Variants in NR3C2 observed in about 807,000 individuals in gnomAD.
The protein encoded by NR3C2 is nuclear receptor subfamily 3 group C member 2, also known as mineralocorticoid receptor.
A neutral mutation model predicts 86.4 loss-of-function variants in NR3C2; 15 were observed. The ratio of observed to expected loss-of-function variants is 0.17; its 90% CI spans 0.12 to 0.27. The LOEUF (loss-of-function observed/expected upper bound fraction) is 0.27, where lower values mean the gene tolerates loss of function less well. Among genes scored for constraint, NR3C2 ranks in the 10% least tolerant of loss-of-function variants. NR3C2 has a pLI of 1.00. For synonymous variants in NR3C2, 458 were observed against 450.5 expected, an observed-to-expected ratio of 1.02 and a Z score of -0.21; for missense variants, 960 against 1,195.6, an observed-to-expected ratio of 0.80 and a Z score of 2.91.
chr4:148,199,987 T>C (rs1736638504), intron 3 of NR3C2, among the ~76,000 whole-genome samples: 1 of 152,228 alleles, frequency 6.6e-6, no homozygotes, highest in African/African-American at 2.4e-5. Context: ...GGAAAGCATC[T>C]GGCATAAGCC....
intron 2 of NR3C2, among the ~76,000 whole-genome samples, chr4:148,367,856 A>C (rs1020369255): frequency 2.6e-5 from 4 of 151,816 alleles, no homozygotes; most frequent in Non-Finnish European, 4.4e-5. Flanking sequence ...TTCAAAAAGA[A>C]ATACATTCTC....
chr4:148,258,156 C>T (rs1038584301), intron 3 of NR3C2, among the ~76,000 whole-genome samples: 3 of 152,182 alleles, frequency 2.0e-5, no homozygotes, highest in East Asian at 3.9e-4. Flanking sequence ...GCCAGCTGGC[C>T]AACTGCCTGC....
At chr4:148,399,187 C>G (rs549002430) in intron 2 of NR3C2, among the ~76,000 whole-genome samples, 1 of 152,288 alleles carries the variant, frequency 6.6e-6, no homozygotes, top group South Asian at 2.1e-4. Flanking sequence ...TGTTAACTGT[C>G]TCAGTAGGCC....
intron 4 of NR3C2, among the ~76,000 whole-genome samples, chr4:148,181,523 C>T (rs1024386593): frequency 1.3e-4 from 20 of 152,290 alleles, no homozygotes; most frequent in Non-Finnish European, 2.8e-4. Flanking sequence ...AAATTTAGTG[C>T]TATGCTTTAC....
At chr4:148,424,718 A>C (rs1009343754) in intron 2 of NR3C2, among the ~76,000 whole-genome samples, 3 of 152,170 alleles carry the variant, frequency 2.0e-5, no homozygotes, top group African/African-American at 4.8e-5. Flanking sequence ...TAGAAAAAAA[A>C]AAAACAAAAT....
At chr4:148,336,846 T>A (rs1239783875) in intron 2 of NR3C2, among the ~76,000 whole-genome samples, 1 of 152,180 alleles carries the variant, frequency 6.6e-6, no homozygotes, top group East Asian at 1.9e-4. Context: ...AGGCTGAGTG[T>A]AGTGGCATGA....
intron 2 of NR3C2, among the ~76,000 whole-genome samples, chr4:148,353,299 A>G (rs1242825148): frequency 2.0e-5 from 3 of 152,108 alleles, no homozygotes; most frequent in East Asian, 1.9e-4. Context: ...ATATATTTTC[A>G]TTATACAAAT....
Position 148,361,968 on chromosome 4 carries a change from G to C in NR3C2, c.1757+73136C>G, listed in dbSNP as rs577036845. ...TTCTCCCGCCTCAGCCTCCCAGGTAGCTGGGACCACAGGTGCACACCACCA... is the reference window on the plus strand; with the variant it reads ...TTCTCCCGCCTCAGCCTCCCAGGTACCTGGGACCACAGGTGCACACCACCA... On this transcript the variant is annotated intron_variant, in intron 2 of 8. Coordinates refer to ENST00000358102, the MANE Select transcript of NR3C2 (RefSeq NM_000901.5). Among the ~76,000 whole-genome samples the C allele has an allele frequency of 2.0e-5, 3 of 152,250 alleles. No individual in the cohort carries two copies. The South Asian group carries it at 6.2e-4, about 32-fold the overall frequency.
At chr4:148,086,271 T>G (rs1244101209) in intron 8 of NR3C2, among the ~76,000 whole-genome samples, 1 of 152,212 alleles carries the variant, frequency 6.6e-6, no homozygotes, top group Non-Finnish European at 1.5e-5. Context: ...ATTAAAAAGC[T>G]TATCTACCAC....
intron 2 of NR3C2, among the ~76,000 whole-genome samples, chr4:148,329,534 A>C (rs1394649156): frequency 6.6e-6 from 1 of 152,082 alleles, no homozygotes; most frequent in Non-Finnish European, 1.5e-5. Context: ...TTTTTTCCAC[A>C]GTACATATTT....
At chr4:148,167,682 C>G (rs569107882) in intron 4 of NR3C2, among the ~76,000 whole-genome samples, 1 of 152,296 alleles carries the variant, frequency 6.6e-6, no homozygotes, top group African/African-American at 2.4e-5. Context: ...AAAGAAAGAG[C>G]AAATAAACCA....
Position 148,154,701 on chromosome 4 carries a change from CG to C in NR3C2, c.2214del (p.Val739LeufsTer34). 6.2e-7 allele frequency: 1 copy of C among 1,612,826 alleles called. No homozygotes were observed. Among genetic ancestry groups the C allele is most frequent in the Non-Finnish European group, 8.5e-7 (1 of 1,179,836 alleles). On this transcript the variant is annotated frameshift_variant, in exon 5 of 9. Coordinates refer to ENST00000358102, the MANE Select transcript of NR3C2 (RefSeq NM_000901.5). LOFTEE classifies it high-confidence loss of function. The stretch of plus-strand genomic sequence containing the variant: ...GGTTCAATGTTTTCAAGGACCATAA[CG>C]GGGGAAGGTGTGAGCGCTCGTGAGA... ...STISRALTPS[P>X]VMVLENIEPE...
upstream of NR3C2, chr4:148,444,746 G>A (rs1399101326): frequency 2.0e-6 from 2 of 985,042 alleles, no homozygotes; most frequent in African/African-American, 1.7e-5. Context: ...GCCAAATCGC[G>A]CAGAGGGGGA....
At chr4:148,357,906 C>T (rs536080449) in intron 2 of NR3C2, among the ~76,000 whole-genome samples, 22 of 152,232 alleles carry the variant, frequency 1.4e-4, no homozygotes, top group African/African-American at 3.1e-4. Flanking sequence ...TTGATTTATG[C>T]TGTTGTAAGA....
intron 2 of NR3C2, among the ~76,000 whole-genome samples, chr4:148,266,469 T>A (rs989963737): frequency 1.3e-5 from 2 of 152,048 alleles, no homozygotes. Context: ...GAGACAGGAA[T>A]GAATGCAACA....
At chr4:148,241,107 A>T (rs991517513) in intron 3 of NR3C2, among the ~76,000 whole-genome samples, 7 of 151,882 alleles carry the variant, frequency 4.6e-5, no homozygotes, top group African/African-American at 1.7e-4. Flanking sequence ...GGAGTTCGAG[A>T]CCAGCCTGGC....
chr4:148,427,955 T>C (rs575882912), intron 2 of NR3C2, among the ~76,000 whole-genome samples: 3 of 152,288 alleles, frequency 2.0e-5, no homozygotes, highest in African/African-American at 7.2e-5. Context: ...CTGATATACA[T>C]AAATATCTGA....
chr4:148,436,590 C>T lies in NR3C2; in HGVS notation c.271G>A (p.Glu91Lys). Reference sequence around the variant, plus strand: ...GCTGAAAGTTCCTTAGATTCCAGCTCAGTTTTAATATCAGATGTTAAAATC... The same window carrying T: ...GCTGAAAGTTCCTTAGATTCCAGCTTAGTTTTAATATCAGATGTTAAAATC... ...PGILTSDIKTELESKELSATV... is the reference protein window; with the variant it reads ...PGILTSDIKTKLESKELSATV... The change falls in exon 2 of 9, where the codon GAG (glutamate) becomes AAG (lysine). Residue 91 changes from glutamate to lysine, a missense_variant. Physicochemically the swap from Glu to Lys is moderately conservative, Grantham distance 56. Around this residue, in one of 4 missense-constraint regions of NR3C2, gnomAD observed 680 missense variants for 719.0 expected, o/e 0.95. Coordinates refer to ENST00000358102, the MANE Select transcript of NR3C2 (RefSeq NM_000901.5). 6.2e-7 allele frequency: 1 copy of T among 1,614,190 alleles called. No individual in the cohort carries two copies. The highest frequency in any genetic ancestry group is 8.5e-7 in the Non-Finnish European group (1 of 1,180,040).
intron 2 of NR3C2, among the ~76,000 whole-genome samples, chr4:148,421,319 T>C (rs554082832): frequency 1.3e-4 from 20 of 152,320 alleles, no homozygotes; most frequent in African/African-American, 4.3e-4. Flanking sequence ...ATGTGCACTG[T>C]TGTTTGTTAT....
Sources: allele counts gnomAD v4.1 joint callset (sites outside exome capture counted in the v4.1 genomes callset), GRCh38; gene constraint gnomAD v4.1.1; regional missense constraint gnomAD v4.1.1; transcripts MANE v1.5; gene names NCBI Gene and HGNC (gene_info 2026-07-23, HGNC 2026-07-21).